Variants in SLC39A8 observed in about 807,000 individuals in gnomAD.
SLC39A8 encodes solute carrier family 39 member 8.
A neutral mutation model predicts 40.4 loss-of-function variants in SLC39A8; 15 were observed. The ratio of observed to expected loss-of-function variants is 0.37; its 90% CI spans 0.25 to 0.57. SLC39A8 has a LOEUF of 0.57. Ranked by LOEUF, SLC39A8 falls within the 20% of genes least tolerant of loss-of-function variation. The pLI is 0.75. For synonymous variants in SLC39A8, 223 were observed against 221.6 expected, an observed-to-expected ratio of 1.01 and a Z score of -0.06; for missense variants, 472 against 558.8, an observed-to-expected ratio of 0.84 and a Z score of 1.57.
chr4:102,337,494 G>A (rs750868155), intron 2 of SLC39A8, among the ~76,000 whole-genome samples: 7 of 152,118 alleles, frequency 4.6e-5, no homozygotes, highest in Non-Finnish European at 1.5e-5. Flanking sequence ...TGATAACTGT[G>A]TGAGAAAGCT....
chr4:102,305,606 T>C (rs960352724), intron 4 of SLC39A8, among the ~76,000 whole-genome samples: 1 of 151,974 alleles, frequency 6.6e-6, no homozygotes, highest in East Asian at 1.9e-4. Flanking sequence ...CTCTTATACC[T>C]ACAGAACTGT....
chr4:102,304,489 G>A lies in SLC39A8; in HGVS notation c.676-8C>T. On this transcript the variant is annotated splice_polypyrimidine_tract_variant and splice_region_variant and intron_variant, in intron 5 of 8. Coordinates refer to ENST00000356736, the MANE Select transcript of SLC39A8 (RefSeq NM_001135146.2). ...AAAGTGGGTATGACCATTCTATATG[G>A]GAACAAAAACCAAAGAGATTATAAG... 6.3e-7 allele frequency: 1 copy of A among 1,599,394 alleles called. No homozygotes were observed. The highest frequency in any genetic ancestry group is 1.1e-5 in the South Asian group (1 of 88,972).
rs191761315 is a variant in SLC39A8, at chr4:102,277,493, C to T, written c.841-9414G>A. On this transcript the variant is annotated intron_variant, in intron 6 of 8. Coordinates refer to ENST00000356736, the MANE Select transcript of SLC39A8 (RefSeq NM_001135146.2). ...CACTGCTCAACAAAATAAGAGAGGA[C>T]GCAAACAAATGAAAAACATTCCATG... Among the ~76,000 whole-genome samples, 168 of 152,144 alleles carry T rather than the reference C, an allele frequency of 1.1e-3. 4 individuals carry two copies. The South Asian group carries it at 0.028, about 25-fold the overall frequency.
At chr4:102,294,027 G>T (rs1733578279) in intron 6 of SLC39A8, among the ~76,000 whole-genome samples, 1 of 151,378 alleles carries the variant, frequency 6.6e-6, no homozygotes, top group Admixed American at 6.6e-5. Context: ...AAGAAGCGAG[G>T]ATAACTGCTT....
intron 2 of SLC39A8, among the ~76,000 whole-genome samples, chr4:102,339,095 T>C (rs1735798979): frequency 6.6e-6 from 1 of 152,252 alleles, no homozygotes; most frequent in Non-Finnish European, 1.5e-5. Flanking sequence ...GAATTACGAA[T>C]GTCCCTCATT....
chr4:102,326,025 C>T (rs1022336827), intron 2 of SLC39A8, among the ~76,000 whole-genome samples: 4 of 152,140 alleles, frequency 2.6e-5, no homozygotes, highest in African/African-American at 9.7e-5. Context: ...GGTGTGGTGT[C>T]AGAGCACAGA....
Position 102,261,708 on chromosome 4 carries a change from T to C in SLC39A8, c.*1336A>G, listed in dbSNP as rs932948772. On this transcript the variant is annotated 3_prime_UTR_variant, in exon 9 of 9. Coordinates refer to ENST00000356736, the MANE Select transcript of SLC39A8 (RefSeq NM_001135146.2). ...TTACTATTTGGCCAAACAATATTTTTTAATTGTCAGTCATAAAGTGAAATA... is the reference window on the plus strand; with the variant it reads ...TTACTATTTGGCCAAACAATATTTTCTAATTGTCAGTCATAAAGTGAAATA... 3.1e-6 allele frequency: 3 copies of C among 982,974 alleles called. No individual in the cohort carries two copies. The highest frequency in any genetic ancestry group is 3.6e-6 in the Non-Finnish European group (3 of 827,178). The allele number at this position is 982,974 out of a possible 1,614,324, so 60.9% of individuals were successfully genotyped here. A position where few individuals can be genotyped will look rare whatever the true frequency, so the allele number is the denominator to read the frequency against.
intron 2 of SLC39A8, among the ~76,000 whole-genome samples, chr4:102,336,085 A>G (rs972652302): frequency 6.6e-6 from 1 of 152,190 alleles, no homozygotes; most frequent in Non-Finnish European, 1.5e-5. Context: ...CTTTTGTATT[A>G]CGTATTATTG....
chr4:102,344,784 A>C lies in SLC39A8; in HGVS notation c.-122T>G, dbSNP rs1361600431. On this transcript the variant is annotated 5_prime_UTR_variant, in exon 2 of 9. Coordinates refer to ENST00000356736, the MANE Select transcript of SLC39A8 (RefSeq NM_001135146.2). ...AGTGCTCGGCGCTGCTCCGAGTCAGAGGTGGCGCGGGACGCCCCTGGTTCT... is the reference window on the plus strand; with the variant it reads ...AGTGCTCGGCGCTGCTCCGAGTCAGCGGTGGCGCGGGACGCCCCTGGTTCT... 2.3e-6 allele frequency: 3 copies of C among 1,319,774 alleles called. No homozygotes were observed. In the African/African-American group the frequency reaches 4.6e-5, roughly 20 times the overall value. 81.8% of individuals were successfully genotyped at this position (1,319,774 alleles called of 1,614,324 possible).
Position 102,304,375 on chromosome 4 carries a change from G to A in SLC39A8, c.782C>T (p.Ala261Val). 1 of 1,611,194 alleles carries A rather than the reference G, an allele frequency of 6.2e-7. No individual in the cohort carries two copies. The highest frequency in any genetic ancestry group is 1.3e-5 in the African/African-American group (1 of 74,888). The change falls in exon 6 of 9, where the codon GCT (alanine) becomes GTT (valine). Residue 261 changes from alanine (A) to valine (V), a missense_variant. By Grantham distance (64) the Ala-to-Val change is moderately conservative (BLOSUM62 0). Transcript: ENST00000356736. ...GATATGTCCATTAGCTTCTGTGACA[G>A]CAGGATTTGCATAGCATGTCACACC... ...INGVTCYANP[A>V]VTEANGHIHF...
At chr4:102,289,636 G>A (rs944834017) in intron 6 of SLC39A8, among the ~76,000 whole-genome samples, 2 of 152,076 alleles carry the variant, frequency 1.3e-5, no homozygotes, top group African/African-American at 2.4e-5. Context: ...CAGGAGTTGG[G>A]AAGAAGTTGA....
At chr4:102,272,222 A>G (rs1303188961) in intron 6 of SLC39A8, among the ~76,000 whole-genome samples, 1 of 152,070 alleles carries the variant, frequency 6.6e-6, no homozygotes, top group Admixed American at 6.6e-5. Context: ...TCACGAGGTC[A>G]GGAGATCGAG....
At chr4:102,332,710 T>C (rs750508263) in intron 2 of SLC39A8, among the ~76,000 whole-genome samples, 26 of 152,220 alleles carry the variant, frequency 1.7e-4, no homozygotes, top group Non-Finnish European at 3.5e-4. Context: ...TAAAGACACA[T>C]GAACACATAT....
At chr4:102,345,057 G>A in intron 1 of SLC39A8, 142 bp from the exon 2 acceptor site, 1 of 307,292 alleles carries the variant, frequency 3.3e-6, no homozygotes, top group Non-Finnish European at 5.1e-6. Context: ...GTTTGCAAAC[G>A]CCCCAGGATT....
At chr4:102,255,350 G>T (rs1731683344) in intron 11 of SLC39A8, among the ~76,000 whole-genome samples, 2 of 152,246 alleles carry the variant, frequency 1.3e-5, no homozygotes, top group South Asian at 2.1e-4. Flanking sequence ...AGGAACTAAA[G>T]AAAAATAACT....
chr4:102,314,905 A>T (rs1734591659), intron 3 of SLC39A8, among the ~76,000 whole-genome samples: 3 of 152,124 alleles, frequency 2.0e-5, no homozygotes, highest in South Asian at 2.1e-4. Flanking sequence ...CTTGTTTACC[A>T]TTGACTCCTT....
chr4:102,300,337 A>C (rs1733868652), intron 6 of SLC39A8, among the ~76,000 whole-genome samples: 1 of 152,092 alleles, frequency 6.6e-6, no homozygotes, highest in South Asian at 2.1e-4. Context: ...TATGTGTAAA[A>C]CTATGATTTT....
chr4:102,262,806 T>C lies in SLC39A8; in HGVS notation c.*238A>G, dbSNP rs1359717615. 4.0e-6 allele frequency: 5 copies of C among 1,251,190 alleles called. No homozygotes were observed. The East Asian group carries it at 1.4e-4, about 35-fold the overall frequency. 77.5% of individuals were successfully genotyped at this position (1,251,190 alleles called of 1,614,324 possible). ...TATGCATGGAATACTGAAAAATAGG[T>C]ATTTCCCAAAGGCTCCTATATACCA... On this transcript the variant is annotated 3_prime_UTR_variant, in exon 9 of 9. Coordinates refer to ENST00000356736, the MANE Select transcript of SLC39A8 (RefSeq NM_001135146.2).
At chr4:102,316,108 T>C (rs1453637544) in intron 2 of SLC39A8, among the ~76,000 whole-genome samples, 4 of 152,190 alleles carry the variant, frequency 2.6e-5, no homozygotes, top group Non-Finnish European at 4.4e-5. Flanking sequence ...CTAAGGACTT[T>C]ATTTAAAATA....
Sources: gnomAD v4.1 joint callset for allele counts (sites outside exome capture counted in the v4.1 genomes callset) on GRCh38, gnomAD v4.1.1 for gene constraint, MANE v1.5 for transcripts, NCBI Gene and HGNC (gene_info 2026-07-23, HGNC 2026-07-21) for gene names.